SERGEF: variants seen among roughly 807,000 people sequenced by gnomAD.
SERGEF encodes secretion-regulating guanine nucleotide exchange factor.
A neutral mutation model predicts 50.0 loss-of-function variants in SERGEF; 51 were observed. The ratio of observed to expected loss-of-function variants is 1.02; its 90% CI spans 0.81 to 1.29. The LOEUF (loss-of-function observed/expected upper bound fraction) is 1.29. SERGEF is among the 50% of genes most tolerant of loss of function. The pLI, the probability that SERGEF is intolerant of heterozygous loss-of-function variation, is 0.00. For missense variants in SERGEF, 521 were observed against 557.0 expected (o/e 0.94, Z 0.65); for synonymous variants, 205 against 212.4 (o/e 0.97, Z 0.30).
At chr11:17,966,404 T>C (rs1404634223) in intron 8 of SERGEF, among the ~76,000 whole-genome samples, 1 of 152,202 alleles carries the variant, frequency 6.6e-6, no homozygotes, top group African/African-American at 2.4e-5. Context: ...ACAGGTCCCT[T>C]CTGCTTTAGG....
At chr11:17,932,228 CA>C (rs1852366977) in intron 9 of SERGEF, among the ~76,000 whole-genome samples, 1 of 152,144 alleles carries the variant, frequency 6.6e-6, no homozygotes, top group Non-Finnish European at 1.5e-5. Flanking sequence ...TGCGCGTGTT[CA>C]AAAACCTCTG....
At chr11:17,887,481 T>A (rs907242485) in intron 9 of SERGEF, among the ~76,000 whole-genome samples, 4 of 152,172 alleles carry the variant, frequency 2.6e-5, no homozygotes, top group Non-Finnish European at 5.9e-5. Context: ...TCAGGCCAGG[T>A]AAATATCCTA....
At chr11:17,848,569 C>T (rs568965590) in intron 10 of SERGEF, among the ~76,000 whole-genome samples, 37 of 152,226 alleles carry the variant, frequency 2.4e-4, no homozygotes, top group African/African-American at 8.4e-4. Flanking sequence ...TTCATATGTG[C>T]CTTTTTGTTT....
intron 8 of SERGEF, among the ~76,000 whole-genome samples, chr11:17,986,233 C>T (rs879648419): frequency 5.3e-5 from 8 of 152,180 alleles, no homozygotes; most frequent in East Asian, 3.8e-4. Flanking sequence ...TTCTTCTCAA[C>T]GACACTGGGC....
intron 9 of SERGEF, among the ~76,000 whole-genome samples, chr11:17,937,518 C>T (rs1455920334): frequency 1.3e-5 from 2 of 152,108 alleles, no homozygotes; most frequent in Non-Finnish European, 2.9e-5. Context: ...GTCTGGGTGA[C>T]AGAGAAAGAC....
chr11:17,885,464 G>A (rs527842535), intron 9 of SERGEF, among the ~76,000 whole-genome samples: 3 of 152,110 alleles, frequency 2.0e-5, no homozygotes, highest in African/African-American at 7.2e-5. Context: ...GAGGACTACA[G>A]GTACACACCA....
intron 9 of SERGEF, among the ~76,000 whole-genome samples, chr11:17,879,417 G>A (rs755577264): frequency 4.1e-4 from 63 of 152,122 alleles, no homozygotes; most frequent in Non-Finnish European, 7.1e-4. Flanking sequence ...ATACTGGAAG[G>A]GCCCTGGAGA....
At chr11:17,974,263 C>G (rs543269960) in intron 8 of SERGEF, among the ~76,000 whole-genome samples, 1 of 152,318 alleles carries the variant, frequency 6.6e-6, no homozygotes, top group Non-Finnish European at 1.5e-5. Flanking sequence ...ACCTCCAAGT[C>G]ACCAATGTGA....
chr11:17,985,148 T>C (rs931332748), intron 8 of SERGEF, among the ~76,000 whole-genome samples: 2 of 152,198 alleles, frequency 1.3e-5, no homozygotes, highest in African/African-American at 4.8e-5. Flanking sequence ...TTCAGGCTAG[T>C]AGTCTCAAGG....
intron 10 of SERGEF, among the ~76,000 whole-genome samples, chr11:17,822,195 T>C (rs1850098851): frequency 6.6e-6 from 1 of 152,172 alleles, no homozygotes; most frequent in Admixed American, 6.5e-5. Flanking sequence ...GGAAAGGAGA[T>C]GACAAACTCT....
intron 3 of SERGEF, among the ~76,000 whole-genome samples, chr11:18,005,220 A>C (rs1395179370): frequency 1.3e-5 from 2 of 152,228 alleles, no homozygotes; most frequent in Admixed American, 1.3e-4. Flanking sequence ...CTGACTCCTT[A>C]CAATCCAAAA....
intron 10 of SERGEF, among the ~76,000 whole-genome samples, chr11:17,802,266 TGAAAGACC>T (rs1184005293): frequency 6.6e-6 from 1 of 152,164 alleles, no homozygotes; most frequent in Non-Finnish European, 1.5e-5. Context: ...GAGGCAGCCC[TGAAAGACC>T]CTTAAACATT....
intron 2 of SERGEF, 64 bp from the exon 3 acceptor site, chr11:18,006,810 A>C: frequency 1.3e-6 from 2 of 1,554,888 alleles, no homozygotes; most frequent in Non-Finnish European, 1.8e-6. Flanking sequence ...AAAATGAACA[A>C]AAAGATTTCA....
At chr11:17,980,291 C>A (rs1853470324) in intron 8 of SERGEF, among the ~76,000 whole-genome samples, 1 of 152,168 alleles carries the variant, frequency 6.6e-6, no homozygotes, top group African/African-American at 2.4e-5. Context: ...TGACTCATGA[C>A]CGAGCCAAAA....
intron 9 of SERGEF, among the ~76,000 whole-genome samples, chr11:17,919,945 TAA>T (rs58325345): frequency 7.0e-5 from 8 of 114,310 alleles, no homozygotes; most frequent in Non-Finnish European, 9.1e-5. Flanking sequence ...AAACTCCATC[TAA>T]AAAAAAAAAA....
chr11:17,827,080 G>T (rs1850209850), intron 10 of SERGEF, among the ~76,000 whole-genome samples: 1 of 152,204 alleles, frequency 6.6e-6, no homozygotes, highest in South Asian at 2.1e-4. Context: ...TCAAGCCTGA[G>T]ATTTTATTAT....
intron 8 of SERGEF, among the ~76,000 whole-genome samples, chr11:17,979,647 A>G (rs1442877859): frequency 2.0e-5 from 3 of 152,154 alleles, no homozygotes; most frequent in African/African-American, 7.2e-5. Context: ...TCTGCACAAC[A>G]TGGGACCTGT....
intron 10 of SERGEF, among the ~76,000 whole-genome samples, chr11:17,852,503 C>T (rs569363977): frequency 1.2e-4 from 18 of 152,292 alleles, no homozygotes; most frequent in South Asian, 8.3e-4. Context: ...CACCCCACTT[C>T]ACCCCCTCCA....
chr11:17,870,090 C>A (rs1262356508), intron 10 of SERGEF, among the ~76,000 whole-genome samples: 3 of 152,160 alleles, frequency 2.0e-5, no homozygotes, highest in Non-Finnish European at 4.4e-5. Context: ...ATAAGGGGCT[C>A]TTCCCCACTT....
Sources: allele counts gnomAD v4.1 joint callset (sites outside exome capture counted in the v4.1 genomes callset), GRCh38; gene constraint gnomAD v4.1.1; transcripts MANE v1.5; gene names NCBI Gene and HGNC (gene_info 2026-07-23, HGNC 2026-07-21).